The following REX1BD variants were observed in gnomAD, a reference collection of about 807,000 sequenced individuals.
The protein encoded by REX1BD is required for excision 1-B domain containing, also known as required for excision 1-B domain-containing protein.
A neutral mutation model predicts 24.4 loss-of-function variants in REX1BD; 22 were observed. That is an observed-to-expected ratio of 0.90 (90% CI 0.64 to 1.29). REX1BD has a LOEUF of 1.29. REX1BD is among the 50% of genes most tolerant of loss of function. The pLI is 0.00. For missense variants in REX1BD, 293 were observed against 285.3 expected (o/e 1.03, Z -0.19); for synonymous variants, 146 against 125.9 (o/e 1.16, Z -1.07).
chr19:18,590,970 A>T (rs1470160208), intron 4 of REX1BD, 37 bp downstream of exon 4: 1 of 1,489,626 alleles, frequency 6.7e-7, no homozygotes, highest in Admixed American at 2.2e-5. Flanking sequence ...GCTATGCTCG[A>T]TTTGCACCAG....
Position 18,588,840 on chromosome 19 carries a change from A to G in REX1BD, c.39A>G (p.Ala13=), listed in dbSNP as rs1038758360. The change falls in exon 1 of 5, where the codon GCA becomes GCG. Residue 13 remains alanine (A), a synonymous_variant. Coordinates refer to ENST00000358607, the MANE Select transcript of REX1BD (RefSeq NM_001100418.2). Reference sequence around the variant, plus strand: ...CCGCGGCGGAGCCTACGGTCCCTGCAGTGCCTGCTGCTGAGGAGGCCACCG... The same window carrying G: ...CCGCGGCGGAGCCTACGGTCCCTGCGGTGCCTGCTGCTGAGGAGGCCACCG... ...TETAAEPTVP[A]VPAAEEATEA... is the part of the protein sequence containing the mutation. 3 of 1,533,424 alleles carry G rather than the reference A, an allele frequency of 2.0e-6. No homozygotes were observed. The highest frequency in any genetic ancestry group is 2.6e-6 in the Non-Finnish European group (3 of 1,146,078). 95.0% of individuals were successfully genotyped at this position (1,533,424 alleles called of 1,614,324 possible).
intron 3 of REX1BD, chr19:18,590,181 T>C (rs1976008246): frequency 6.5e-6 from 1 of 153,420 alleles, no homozygotes; most frequent in African/African-American, 2.4e-5. Flanking sequence ...GAGCGACCCG[T>C]CTCAGCGTCT....
chr19:18,589,470 A>T lies in REX1BD; in HGVS notation c.240A>T (p.Thr80=). The T allele has an allele frequency of 6.4e-7, 1 of 1,558,274 alleles. No individual in the cohort carries two copies. The highest frequency in any genetic ancestry group is 1.2e-5 in the South Asian group (1 of 84,870). Residue 80 remains threonine, a synonymous_variant, in exon 3 of 5, where the codon ACA becomes ACT. Coordinates refer to ENST00000358607, the MANE Select transcript of REX1BD (RefSeq NM_001100418.2). ...GGGGGCGCGGCCTCAGGGTCCCCACATGCCGCAGAGGCCACCGCCAGTACC... is the reference window on the plus strand; with the variant it reads ...GGGGGCGCGGCCTCAGGGTCCCCACTTGCCGCAGAGGCCACCGCCAGTACC... The part of the protein sequence containing the change: ...RAWGRGLRVP[T]CRRGHRQYLR...
Position 18,588,847 on chromosome 19 carries a change from G to A in REX1BD, c.46G>A (p.Ala16Thr). Reference sequence around the variant, plus strand: ...GGAGCCTACGGTCCCTGCAGTGCCTGCTGCTGAGGAGGCCACCGAAGCTCG... The same window carrying A: ...GGAGCCTACGGTCCCTGCAGTGCCTACTGCTGAGGAGGCCACCGAAGCTCG... Reference protein sequence around the residue: ...AAEPTVPAVPAAEEATEARGR... With the variant: ...AAEPTVPAVPTAEEATEARGR... Residue 16 changes from alanine (A) to threonine (T), a missense_variant, in exon 1 of 5, where the codon GCT (alanine) becomes ACT (threonine). Ala to Thr is a moderately conservative substitution (Grantham distance 58). Coordinates refer to ENST00000358607, the MANE Select transcript of REX1BD (RefSeq NM_001100418.2). 1.3e-6 allele frequency: 2 copies of A among 1,533,500 alleles called. No individual in the cohort carries two copies. Among genetic ancestry groups the A allele is most frequent in the East Asian group, 2.5e-5 (1 of 40,696 alleles). The allele number at this position is 1,533,500 out of a possible 1,614,324, so 95.0% of individuals were successfully genotyped here.
rs752544396 is a variant in REX1BD, at chr19:18,592,137, A to T, written c.563A>T (p.Glu188Val). The change falls in exon 5 of 5, where the codon GAG becomes GTG. Residue 188 changes from glutamate to valine, a missense_variant. Physicochemically the swap from Glu to Val is moderately radical, Grantham distance 121 (BLOSUM62 -2). Transcript: ENST00000358607. ...ATTAAAACCATGGAGGCGATCAGCG[A>T]GGTTCTCCAGGACCTTAGGTTTGAT... is the stretch of plus-strand genomic sequence containing the variant. ...KVIKTMEAIS[E>V]VLQDLRFDAE... The T allele has an allele frequency of 6.2e-7, 1 of 1,613,982 alleles. No homozygotes were observed. The highest frequency in any genetic ancestry group is 1.3e-5 in the African/African-American group (1 of 74,954).
At chr19:18,590,274 G>A (rs1976014492) in intron 3 of REX1BD, 1 of 144,466 alleles carries the variant, frequency 6.9e-6, no homozygotes, top group Non-Finnish European at 1.5e-5. Flanking sequence ...TCTCACCCAG[G>A]CTAGAGTGCA....
chr19:18,589,709 G>T (rs754389789), intron 3 of REX1BD, 26 bp downstream of exon 3: 1 of 1,454,454 alleles, frequency 6.9e-7, no homozygotes, highest in Non-Finnish European at 9.0e-7. Flanking sequence ...CTTCCCCGCC[G>T]TGTCTCTAGG....
chr19:18,592,195 G>C lies in REX1BD; in HGVS notation c.*15G>C. On this transcript the variant is annotated 3_prime_UTR_variant, in exon 5 of 5. Coordinates refer to ENST00000358607, the MANE Select transcript of REX1BD (RefSeq NM_001100418.2). ...CTGCCGAGTGATGGCGGCTCCCCAG[G>C]GATGCGCCGAGGGAGATGGGAAACG... 6.2e-7 allele frequency: 1 copy of C among 1,613,946 alleles called. No individual in the cohort carries two copies. The highest frequency in any genetic ancestry group is 1.3e-5 in the African/African-American group (1 of 75,058).
intron 2 of REX1BD, 62 bp downstream of exon 2, chr19:18,589,139 T>C: frequency 6.8e-7 from 1 of 1,463,292 alleles, no homozygotes; most frequent in African/African-American, 1.4e-5. Context: ...CGTGGGCGTG[T>C]TCTCGGCGGG....
intron 3 of REX1BD, chr19:18,590,226 T>TGTTTTTTTTTTG: frequency 8.4e-6 from 1 of 118,556 alleles, no homozygotes; most frequent in African/African-American, 3.8e-5. Context: ...TTTTTTTTTT[T>TGTTTTTTTTTTG]TTTTTTTTTT....
rs1443540881 is a variant in REX1BD, at chr19:18,588,834, C to A, written c.33C>A (p.Val11=). The A allele has an allele frequency of 6.5e-7, 1 of 1,533,314 alleles. No individual in the cohort carries two copies. The highest frequency in any genetic ancestry group is 1.2e-5 in the South Asian group (1 of 83,876). 95.0% of individuals were successfully genotyped at this position (1,533,314 alleles called of 1,614,324 possible). Residue 11 remains valine, a synonymous_variant, in exon 1 of 5, where the codon GTC becomes GTA. Coordinates refer to ENST00000358607, the MANE Select transcript of REX1BD (RefSeq NM_001100418.2). ...CCGAGACCGCGGCGGAGCCTACGGT[C>A]CCTGCAGTGCCTGCTGCTGAGGAGG... is the stretch of plus-strand genomic sequence containing the variant. The part of the protein sequence containing the change: MITETAAEPT[V]PAVPAAEEAT...
At chr19:18,590,737 G>A in intron 3 of REX1BD, 117 bp from the exon 4 acceptor site, 4 of 902,322 alleles carry the variant, frequency 4.4e-6, no homozygotes, top group Non-Finnish European at 6.7e-6. Flanking sequence ...TGCCCCTCGT[G>A]GTTCTACCCG....
In REX1BD at chr19:18,590,891, C is replaced by T. The variant is rs1201300352; in HGVS notation, c.491C>T (p.Ala164Val). 2.5e-6 allele frequency: 4 copies of T among 1,603,688 alleles called. No individual in the cohort carries two copies. Among genetic ancestry groups the T allele is most frequent in the Admixed American group, 3.4e-5 (2 of 58,800 alleles). ...LLQLMETPEL[A>V]GQEDAVRMQQ... ...CAGTTGATGGAGACGCCAGAGCTGG[C>T]GGGGCAGGAGGACGCTGTACGGATG... The change falls in exon 4 of 5, where the codon GCG becomes GTG. Residue 164 changes from alanine to valine, a missense_variant. Transcript: ENST00000358607.
At chr19:18,589,733 C>A in intron 3 of REX1BD, 50 bp downstream of exon 3, 1 of 1,435,868 alleles carries the variant, frequency 7.0e-7, no homozygotes, top group South Asian at 1.5e-5. Flanking sequence ...CTGGCCGGCT[C>A]CTCTCATGAC....
At chr19:18,589,968 A>C in intron 3 of REX1BD, 1 of 424,136 alleles carries the variant, frequency 2.4e-6, no homozygotes. Flanking sequence ...CCGCCCCAAC[A>C]ATGCTCCACC....
chr19:18,590,754 GCCTTT>G, intron 3 of REX1BD, 95 bp from the exon 4 acceptor site: 1 of 1,193,474 alleles, frequency 8.4e-7, no homozygotes, highest in South Asian at 1.4e-5. Flanking sequence ...CCCGGGCACT[GCCTTT>G]CTGGGTGCCT....
rs1041799228 is a variant in REX1BD, at chr19:18,589,311, G to C, written c.183-102G>C. ...CTTCTCTCTCCTCCCCAAGAGCAGGGGTGGGCCTGTCTCGCGTTCCCCTGC... is the reference window on the plus strand; with the variant it reads ...CTTCTCTCTCCTCCCCAAGAGCAGGCGTGGGCCTGTCTCGCGTTCCCCTGC... On this transcript the variant is annotated intron_variant, in intron 2 of 4. Coordinates refer to ENST00000358607, the MANE Select transcript of REX1BD (RefSeq NM_001100418.2). The C allele has an allele frequency of 1.9e-5, 29 of 1,544,144 alleles. No homozygotes were observed. In the Admixed American group the frequency reaches 5.5e-4, roughly 29 times the overall value.
At position 18,592,312 on chromosome 19, in the gene REX1BD, C is replaced by T; in HGVS notation, c.*132C>T. On this transcript the variant is annotated 3_prime_UTR_variant, in exon 5 of 5. Transcript: ENST00000358607. Reference sequence around the variant, plus strand: ...ACCTTCCTGCAGTTCCAGACACCTCCCACAATAAAGAGCTCCTCCTCTGTA... The same window carrying T: ...ACCTTCCTGCAGTTCCAGACACCTCTCACAATAAAGAGCTCCTCCTCTGTA... The T allele has an allele frequency of 1.1e-6, 1 of 939,178 alleles. No individual in the cohort carries two copies. Among genetic ancestry groups the T allele is most frequent in the Non-Finnish European group, 1.7e-6 (1 of 604,656 alleles). The allele number at this position is 939,178 out of a possible 1,614,324, so 58.2% of individuals were successfully genotyped here.
chr19:18,591,736 A>G, intron 4 of REX1BD: 1 of 238,884 alleles, frequency 4.2e-6, no homozygotes, highest in South Asian at 6.9e-5. Context: ...CTTGGATTAC[A>G]GATGCCCGCC....
Sources: gnomAD v4.1 joint callset for allele counts on GRCh38, gnomAD v4.1.1 for gene constraint, MANE v1.5 for transcripts, NCBI Gene and HGNC (gene_info 2026-07-23, HGNC 2026-07-21) for gene names.